The following SH3KBP1 variants were observed in gnomAD, a reference collection of about 807,000 sequenced individuals.
SH3KBP1 encodes the protein SH3 domain-containing kinase-binding protein 1.
SH3KBP1 carries 8 observed loss-of-function variants against 50.1 expected under a neutral mutation model. The observed-to-expected ratio is 0.16, with a 90% CI of 0.09 to 0.29. The LOEUF (loss-of-function observed/expected upper bound fraction) is 0.29. Ranked by LOEUF, SH3KBP1 falls within the 10% of genes least tolerant of loss-of-function variation. The probability of loss-of-function intolerance (pLI) is 1.00; values close to 1 mark genes in which losing one functional copy is unlikely to be tolerated. For missense variants in SH3KBP1, 377 were observed against 535.2 expected (o/e 0.70, Z 2.92); for synonymous variants, 227 against 218.6 (o/e 1.04, Z -0.34).
intron 7 of SH3KBP1, among the ~76,000 whole-genome samples, chrX:19,644,151 C>T (rs1418982576): frequency 9.0e-6 from 1 of 111,196 alleles, no homozygotes; most frequent in Admixed American, 9.6e-5. Flanking sequence ...CCCTCTTGGA[C>T]CCCAGAATTA....
At chrX:19,876,950 CT>C (rs763807298) in intron 1 of SH3KBP1, among the ~76,000 whole-genome samples, 6 of 111,467 alleles carry the variant, frequency 5.4e-5, no homozygotes, top group East Asian at 2.8e-4. Flanking sequence ...TTCCACCTCA[CT>C]TTTCCCCCCA....
intron 2 of SH3KBP1, among the ~76,000 whole-genome samples, chrX:19,755,786 A>G (rs2065191910): frequency 8.9e-6 from 1 of 111,830 alleles, no homozygotes; most frequent in Non-Finnish European, 1.9e-5. Context: ...TCAACCCCTG[A>G]CCTAACCGGT....
rs974388641 is a variant in SH3KBP1 at position 19,655,888 on chromosome X, C to T, written c.727-10413G>A. Among the ~76,000 whole-genome samples, 5 of 111,839 alleles carry T rather than the reference C, an allele frequency of 4.5e-5. 1 individual carries two copies. The South Asian group carries it at 1.9e-3, about 41-fold the overall frequency. On this transcript the variant is annotated intron_variant, in intron 6 of 17. Coordinates refer to ENST00000397821, the MANE Select transcript of SH3KBP1 (RefSeq NM_031892.3). Reference sequence around the variant, plus strand: ...TCACAATACAAAGGGATAAGCACTACGATAAAGGCACCTATAGAACAAGAA... The same window carrying T: ...TCACAATACAAAGGGATAAGCACTATGATAAAGGCACCTATAGAACAAGAA...
chrX:19,692,890 T>C (rs1351014170), intron 5 of SH3KBP1, among the ~76,000 whole-genome samples: 1 of 108,620 alleles, frequency 9.2e-6, no homozygotes, highest in Non-Finnish European at 1.9e-5. Context: ...GGTTTCACCA[T>C]GATGGCCAGG....
intron 1 of SH3KBP1, among the ~76,000 whole-genome samples, chrX:19,878,505 T>TGTGTGTGTGTGTGTGTGTGTGAGA (rs1491094714): frequency 2.9e-4 from 14 of 48,251 alleles, no homozygotes; most frequent in African/African-American, 7.7e-4. Flanking sequence ...TGTGTGTGTG[T>TGTGTGTGTGTGTGTGTGTGTGAGA]GAGAGAGAGA....
intron 3 of SH3KBP1, among the ~76,000 whole-genome samples, chrX:19,744,983 T>C (rs2064874926): frequency 8.9e-6 from 1 of 112,356 alleles, no homozygotes; most frequent in Non-Finnish European, 1.9e-5. Flanking sequence ...TGCGTGCAAT[T>C]GCCGTGCCCG....
intron 12 of SH3KBP1, among the ~76,000 whole-genome samples, chrX:19,572,385 GTACA>G (rs1267240146): frequency 2.0e-5 from 2 of 98,406 alleles, no homozygotes; most frequent in African/African-American, 7.8e-5. Flanking sequence ...GTTATATATA[GTACA>G]TACATATGTT....
chrX:19,838,059 AAACAAC>A (rs60326622), intron 1 of SH3KBP1, among the ~76,000 whole-genome samples: 5,308 of 100,632 alleles, frequency 0.053, 121 homozygotes, highest in African/African-American at 0.086. Flanking sequence ...CAAATGAGTA[AAACAAC>A]AACAACAACA....
intron 6 of SH3KBP1, chrX:19,670,865 T>A (rs906790465): frequency 3.0e-6 from 3 of 985,503 alleles, no homozygotes; most frequent in Admixed American, 5.9e-5. Flanking sequence ...GAAATACCTC[T>A]TCTCCCATGA....
chrX:19,762,247 C>T (rs375624596), intron 2 of SH3KBP1, among the ~76,000 whole-genome samples: 44 of 111,895 alleles, frequency 3.9e-4, no homozygotes, highest in Middle Eastern at 9.2e-3. Context: ...CAGAAAAGAC[C>T]CTCTTCTTGC....
intron 1 of SH3KBP1, among the ~76,000 whole-genome samples, chrX:19,877,150 T>G (rs1334741390): frequency 8.9e-6 from 1 of 112,237 alleles, no homozygotes; most frequent in African/African-American, 3.2e-5. Context: ...AATAGTTTGT[T>G]GAGAACAAAG....
intron 2 of SH3KBP1, among the ~76,000 whole-genome samples, chrX:19,795,495 TTCC>T (rs1176769530): frequency 1.8e-5 from 2 of 111,345 alleles, no homozygotes; most frequent in African/African-American, 3.3e-5. Context: ...GCCTTGCCCT[TTCC>T]TCCTCCTCCT....
At position 19,534,563 on chromosome X, in the gene SH3KBP1, G is replaced by T. The variant is rs1477504749; in HGVS notation, c.*1854C>A. 4.5e-6 allele frequency: 1 copy of T among 224,596 alleles called. No individual in the cohort carries two copies. The highest frequency in any genetic ancestry group is 8.0e-6 in the Non-Finnish European group (1 of 124,754). 18.5% of individuals were successfully genotyped at this position (224,596 alleles called of 1,213,427 possible). On this transcript the variant is annotated 3_prime_UTR_variant, in exon 18 of 18. Coordinates refer to ENST00000397821, the MANE Select transcript of SH3KBP1 (RefSeq NM_031892.3). ...AATCTCTGGAATCTTCAAGTTTAAC[G>T]CAGAAATGCTTATAACTGTCAAGGG... is the stretch of plus-strand genomic sequence containing the variant.
At chrX:19,769,242 G>A (rs1347082025) in intron 2 of SH3KBP1, among the ~76,000 whole-genome samples, 2 of 102,553 alleles carry the variant, frequency 2.0e-5, no homozygotes, top group Non-Finnish European at 3.9e-5. Flanking sequence ...GCACCACCAT[G>A]CCCGGCTAAT....
intron 4 of SH3KBP1, among the ~76,000 whole-genome samples, chrX:19,701,991 T>C (rs993816218): frequency 8.9e-6 from 1 of 112,557 alleles, no homozygotes; most frequent in Non-Finnish European, 1.9e-5. Context: ...TTCCTTCTCC[T>C]TAATATGAAT....
At chrX:19,780,761 C>T (rs1474143959) in intron 2 of SH3KBP1, among the ~76,000 whole-genome samples, 1 of 109,376 alleles carries the variant, frequency 9.1e-6, no homozygotes, top group South Asian at 4.0e-4. Flanking sequence ...TGTAGACATG[C>T]GGCGTTATTT....
rs181398193 is a variant in SH3KBP1 at position 19,811,527 on chromosome X, C to T, written c.162+24598G>A. 3.6e-5 allele frequency among the ~76,000 whole-genome samples: 4 copies of T among 112,337 alleles called. No homozygotes were observed. In the Admixed American group the frequency reaches 3.8e-4, roughly 11 times the overall value. On this transcript the variant is annotated intron_variant, in intron 2 of 17. Coordinates refer to ENST00000397821, the MANE Select transcript of SH3KBP1 (RefSeq NM_031892.3). ...CAAGGTACTCTCCAAACATGTCCAGCTTTGCTAAGAATATGTTCACATGTT... is the reference window on the plus strand; with the variant it reads ...CAAGGTACTCTCCAAACATGTCCAGTTTTGCTAAGAATATGTTCACATGTT...
intron 2 of SH3KBP1, among the ~76,000 whole-genome samples, chrX:19,797,638 G>A (rs139068488): frequency 4.2e-4 from 47 of 111,460 alleles, no homozygotes; most frequent in African/African-American, 1.5e-3. Flanking sequence ...TTTATACAAT[G>A]TCTCTCCGTA....
At chrX:19,805,306 A>T (rs896081157) in intron 2 of SH3KBP1, among the ~76,000 whole-genome samples, 1 of 111,425 alleles carries the variant, frequency 9.0e-6, no homozygotes, top group African/African-American at 3.3e-5. Flanking sequence ...AAAGCAGCAG[A>T]ACCTGCAAAA....
Sources: gnomAD v4.1 joint callset for allele counts (sites outside exome capture counted in the v4.1 genomes callset) on GRCh38, gnomAD v4.1.1 for gene constraint, MANE v1.5 for transcripts, NCBI Gene and HGNC (gene_info 2026-07-23, HGNC 2026-07-21) for gene names.